The following C1orf87 variants were observed in gnomAD, a reference collection of about 807,000 sequenced individuals.
C1orf87 encodes uncharacterized protein C1orf87.
C1orf87 carries 58 observed loss-of-function variants against 60.5 expected under a neutral mutation model. That is an observed-to-expected ratio of 0.96 (90% confidence interval 0.78 to 1.19). The LOEUF (loss-of-function observed/expected upper bound fraction) is 1.19. C1orf87 is among the 50% of genes most tolerant of loss of function. C1orf87 has a pLI of 0.00. For synonymous variants in C1orf87, 236 were observed against 227.4 expected, an observed-to-expected ratio of 1.04 and a Z score of -0.34; for missense variants, 673 against 638.6, an observed-to-expected ratio of 1.05 and a Z score of -0.58.
chr1:60,038,369 G>A (rs2100293675), intron 5 of C1orf87, among the ~76,000 whole-genome samples: 1 of 152,096 alleles, frequency 6.6e-6, no homozygotes, highest in South Asian at 2.1e-4. Flanking sequence ...GTTATAACCA[G>A]AACCGAGACC....
intron 7 of C1orf87, among the ~76,000 whole-genome samples, chr1:60,032,435 T>TC (rs1182991112): frequency 5.7e-5 from 8 of 140,834 alleles, no homozygotes; most frequent in African/African-American, 2.1e-4. Flanking sequence ...GACTCAGGTT[T>TC]TTTTTTTTTT....
At chr1:60,033,311 A>G (rs1237318899) in intron 7 of C1orf87, among the ~76,000 whole-genome samples, 165 bp downstream of exon 7, 2 of 152,208 alleles carry the variant, frequency 1.3e-5, no homozygotes, top group Non-Finnish European at 2.9e-5. Flanking sequence ...ACATTTCACA[A>G]TTCCTTTTCT....
chr1:60,023,650 T>C (rs1010661313), intron 8 of C1orf87, among the ~76,000 whole-genome samples: 3 of 148,298 alleles, frequency 2.0e-5, no homozygotes, highest in Non-Finnish European at 4.5e-5. Flanking sequence ...TTGCTATGAT[T>C]AATGGACCAA....
chr1:60,006,492 C>G (rs934529196), intron 9 of C1orf87, among the ~76,000 whole-genome samples: 1 of 151,982 alleles, frequency 6.6e-6, no homozygotes, highest in Non-Finnish European at 1.5e-5. Context: ...AGTGATAGGT[C>G]TTCAAGAAAT....
intron 10 of C1orf87, 90 bp downstream of exon 10, chr1:60,000,987 C>G: frequency 9.4e-7 from 1 of 1,066,956 alleles, no homozygotes; most frequent in Non-Finnish European, 1.4e-6. Flanking sequence ...AAAATCAAAA[C>G]CCACAGGAGA....
Position 60,039,992 on chromosome 1 carries a change from C to T in C1orf87, c.672G>A (p.Lys224=). ...LQSQLSRLFL[K]HEVPLQLPTV... Reference sequence around the variant, plus strand: ...TTGGTAACTGTAGAGGGACTTCATGCTTCAAAAAGAGGCGGCTCAGCTGAG... The same window carrying T: ...TTGGTAACTGTAGAGGGACTTCATGTTTCAAAAAGAGGCGGCTCAGCTGAG... The change falls in exon 5 of 12, where the codon AAG becomes AAA. Residue 224 remains lysine, a synonymous_variant. Transcript: ENST00000371201. The T allele has an allele frequency of 1.9e-6, 3 of 1,614,098 alleles. No homozygotes were observed. Among genetic ancestry groups the T allele is most frequent in the Non-Finnish European group, 2.5e-6 (3 of 1,179,994 alleles).
intron 10 of C1orf87, 34 bp downstream of exon 10, chr1:60,001,043 C>T (rs761488914): frequency 1.9e-6 from 3 of 1,562,056 alleles, no homozygotes; most frequent in Non-Finnish European, 2.6e-6. Context: ...CCATGAAAAC[C>T]TTCCCCCAAA....
chr1:60,065,014 T>TTTAATATATA (rs1437377008), intron 2 of C1orf87, among the ~76,000 whole-genome samples: 1,986 of 20,652 alleles, frequency 0.096, 156 homozygotes, highest in African/African-American at 0.12. Flanking sequence ...AAATATATAT[T>TTTAATATATA]AAATATATAT....
At chr1:60,072,738 T>C in intron 1 of C1orf87, 68 bp from the exon 2 acceptor site, 1 of 767,636 alleles carries the variant, frequency 1.3e-6, no homozygotes, top group African/African-American at 1.7e-5. Context: ...TCCTTGCCAA[T>C]AACAACAAGC....
chr1:60,063,605 T>C (rs537491917), intron 2 of C1orf87, among the ~76,000 whole-genome samples: 1 of 152,280 alleles, frequency 6.6e-6, no homozygotes, highest in East Asian at 1.9e-4. Flanking sequence ...AAAATGGCTT[T>C]CCTGCTCTTT....
At chr1:59,997,844 C>T (rs1041069525) in intron 10 of C1orf87, 28 bp from the exon 11 acceptor site, 3 of 1,600,248 alleles carry the variant, frequency 1.9e-6, no homozygotes, top group Non-Finnish European at 2.6e-6. Context: ...GCATTGGCAA[C>T]ACATTCACCA....
intron 9 of C1orf87, among the ~76,000 whole-genome samples, chr1:60,008,404 AT>A (rs1421178716): frequency 3.9e-5 from 6 of 152,024 alleles, no homozygotes; most frequent in Non-Finnish European, 7.4e-5. Context: ...GCTATTCCAT[AT>A]GCTATGGTCT....
chr1:60,073,238 A>G (rs564403207), intron 1 of C1orf87, among the ~76,000 whole-genome samples: 1 of 152,198 alleles, frequency 6.6e-6, no homozygotes, highest in Non-Finnish European at 1.5e-5. Context: ...CAACAATACA[A>G]TGAATCTGAA....
rs755458396 is a variant in C1orf87, at chr1:60,039,881, A to G, written c.747+36T>C. The stretch of plus-strand genomic sequence containing the variant: ...TTGTGGGTACAAGTTAAGGAAACAA[A>G]AGGAACCCACACTTCCAATAGTACA... On this transcript the variant is annotated intron_variant, in intron 5 of 11. Coordinates refer to ENST00000371201, the MANE Select transcript of C1orf87 (RefSeq NM_152377.3). The G allele has an allele frequency of 7.3e-5, 115 of 1,582,806 alleles. No individual in the cohort carries two copies. In the East Asian group the frequency reaches 2.5e-3, roughly 35 times the overall value.
rs189096037 is a variant in C1orf87 at position 60,048,788 on chromosome 1, A to T, written c.342+6416T>A. Among the ~76,000 whole-genome samples the T allele has an allele frequency of 7.2e-3, 1,090 of 152,134 alleles. 3 individuals are homozygous for T. Among genetic ancestry groups the T allele is most frequent in the Middle Eastern group, 0.027 (8 of 294 alleles). On this transcript the variant is annotated intron_variant, in intron 3 of 11. Transcript: ENST00000371201. ...GGATATGTACATAATAGATATATAT[A>T]TAGATAGATACCTGGTAGAATAATC...
rs143464443 is a variant in C1orf87, at chr1:59,991,567, AT to A, written c.1481-735del. On this transcript the variant is annotated intron_variant, in intron 11 of 11. Transcript: ENST00000371201. ...TTCTATTTTTTAAAATATTTTTGAT[AT>A]GCAGTTGGTTGAATCTGTAGTTGCG... Among the ~76,000 whole-genome samples the A allele has an allele frequency of 4.2e-3, 644 of 152,242 alleles. 11 individuals carry two copies. Among genetic ancestry groups the A allele is most frequent in the East Asian group, 0.018 (95 of 5,182 alleles).
intron 7 of C1orf87, among the ~76,000 whole-genome samples, chr1:60,026,271 C>G (rs1645197492): frequency 6.6e-6 from 1 of 152,184 alleles, no homozygotes; most frequent in Admixed American, 6.5e-5. Flanking sequence ...TGCCTGTGAT[C>G]TCTCTGATCT....
rs148609676 is a variant in C1orf87, at chr1:60,029,901, C to T, written c.1029+3575G>A. ...TGATCCGCCCACCTTAGCCTCCCAACGTGCTGGGATTACAGATGTGAGCCA... is the reference window on the plus strand; with the variant it reads ...TGATCCGCCCACCTTAGCCTCCCAATGTGCTGGGATTACAGATGTGAGCCA... On this transcript the variant is annotated intron_variant, in intron 7 of 11. Coordinates refer to ENST00000371201, the MANE Select transcript of C1orf87 (RefSeq NM_152377.3). Among the ~76,000 whole-genome samples the T allele has an allele frequency of 2.2e-3, 337 of 151,956 alleles. 2 individuals are homozygous for T. The highest frequency in any genetic ancestry group is 7.8e-3 in the African/African-American group (325 of 41,464).
At chr1:60,012,483 T>C (rs1645093493) in intron 8 of C1orf87, among the ~76,000 whole-genome samples, 1 of 152,140 alleles carries the variant, frequency 6.6e-6, no homozygotes, top group African/African-American at 2.4e-5. Flanking sequence ...TCTAACAAAA[T>C]ATTTCTTTTC....
Sources: gnomAD v4.1 joint callset for allele counts (sites outside exome capture counted in the v4.1 genomes callset) on GRCh38, gnomAD v4.1.1 for gene constraint, MANE v1.5 for transcripts, NCBI Gene and HGNC (gene_info 2026-07-23, HGNC 2026-07-21) for gene names.